Variants in UGP2 observed in about 807,000 individuals in gnomAD.
UGP2 encodes the protein UTP--glucose-1-phosphate uridylyltransferase.
In UGP2, 40 loss-of-function variants were observed where a neutral mutation model predicts 49.0. That is an observed-to-expected ratio of 0.82 (90% CI 0.63 to 1.06). The LOEUF is 1.06. Ranked by LOEUF, UGP2 falls within the 50% of genes least tolerant of loss-of-function variation. The pLI, the probability that UGP2 is intolerant of heterozygous loss-of-function variation, is 0.00. For missense variants in UGP2, 460 were observed against 603.5 expected (o/e 0.76, Z 2.49); for synonymous variants, 225 against 213.0 (o/e 1.06, Z -0.49).
chr2:63,842,468 G>A, intron 1 of UGP2: 1 of 1,540,258 alleles, frequency 6.5e-7, no homozygotes, highest in Non-Finnish European at 8.7e-7. Context: ...CCTGGATAGT[G>A]GCTGTAAGTG....
intron 6 of UGP2, 48 bp downstream of exon 6, chr2:63,885,934 G>T (rs377389784): frequency 2.0e-6 from 3 of 1,493,544 alleles, no homozygotes; most frequent in East Asian, 2.4e-5. Flanking sequence ...TTCACATTTC[G>T]TAAGTTATGA....
chr2:63,867,764 T>C (rs1346698037), intron 3 of UGP2, among the ~76,000 whole-genome samples: 3 of 152,226 alleles, frequency 2.0e-5, no homozygotes, highest in Admixed American at 2.0e-4. Context: ...TAGCAAGATA[T>C]CCTATCAAGT....
rs567066221 is a variant in UGP2 at position 63,860,982 on chromosome 2, T to G, written c.255+3046T>G. 2.0e-5 allele frequency among the ~76,000 whole-genome samples: 3 copies of G among 152,206 alleles called. No homozygotes were observed. The East Asian group carries it at 5.8e-4, about 29-fold the overall frequency. ...TTACCTTTTGTGTTGAATGCTTTGT[T>G]TTAGCTCTCAGTGAGTACATAGATG... On this transcript the variant is annotated intron_variant, in intron 3 of 9. Transcript: ENST00000337130.
chr2:63,847,116 GA>G (rs58273067), intron 1 of UGP2, among the ~76,000 whole-genome samples: 1 of 151,646 alleles, frequency 6.6e-6, no homozygotes, highest in African/African-American at 2.4e-5. Context: ...GTCTACTGAG[GA>G]AAAAAAATTG....
At chr2:63,858,625 T>A (rs1669615766) in intron 3 of UGP2, among the ~76,000 whole-genome samples, 1 of 152,180 alleles carries the variant, frequency 6.6e-6, no homozygotes, top group Admixed American at 6.5e-5. Context: ...CTGTAATGCT[T>A]AACAGTTACA....
At chr2:63,883,467 T>G (rs1671446672) in intron 4 of UGP2, 1 of 152,634 alleles carries the variant, frequency 6.6e-6, no homozygotes, top group South Asian at 2.1e-4. Context: ...AGATTTCAGC[T>G]GGGGTGTGAT....
intron 3 of UGP2, among the ~76,000 whole-genome samples, chr2:63,865,337 G>A (rs910598076): frequency 6.6e-6 from 1 of 152,138 alleles, no homozygotes; most frequent in African/African-American, 2.4e-5. Flanking sequence ...AGGGCTGAAG[G>A]AATCAATAAC....
At chr2:63,871,030 T>A (rs1464136029) in intron 3 of UGP2, among the ~76,000 whole-genome samples, 2 of 152,270 alleles carry the variant, frequency 1.3e-5, no homozygotes, top group Non-Finnish European at 2.9e-5. Context: ...TTTTTTAAAT[T>A]AAATTTTAAA....
chr2:63,842,494 T>G, intron 1 of UGP2: 1 of 1,536,800 alleles, frequency 6.5e-7, no homozygotes, highest in East Asian at 2.4e-5. Context: ...ACAGGATTTT[T>G]GGCTGCTAAT....
chr2:63,858,667 CT>C (rs1300070212), intron 3 of UGP2, among the ~76,000 whole-genome samples: 1 of 151,794 alleles, frequency 6.6e-6, no homozygotes, highest in East Asian at 1.9e-4. Flanking sequence ...CTATTTTGGT[CT>C]TTAATTTCCT....
chr2:63,841,203 C>A (rs1671510367), upstream of UGP2: 1 of 152,138 alleles, frequency 6.6e-6, no homozygotes, highest in Non-Finnish European at 1.5e-5. Context: ...TAAACGCCCC[C>A]AATTTCCCAG....
chr2:63,845,313 G>GATGA (rs1357031133), intron 1 of UGP2, among the ~76,000 whole-genome samples: 16 of 152,160 alleles, frequency 1.1e-4, no homozygotes, highest in Non-Finnish European at 1.5e-5. Flanking sequence ...GCTGAAATGA[G>GATGA]ATGAACTATG....
chr2:63,885,898 G>C lies in UGP2; in HGVS notation c.873+12G>C. ...GTGCAGATGTAAAGGTAAATACCGA[G>C]AGGAAGCAGTTTAGGGCTTCATGTT... is the stretch of plus-strand genomic sequence containing the variant. On this transcript the variant is annotated intron_variant, in intron 6 of 9. Coordinates refer to ENST00000337130, the MANE Select transcript of UGP2 (RefSeq NM_006759.4). 1 of 1,545,160 alleles carries C rather than the reference G, an allele frequency of 6.5e-7. No homozygotes were observed.
intron 1 of UGP2, among the ~76,000 whole-genome samples, chr2:63,847,110 A>G (rs1671985987): frequency 6.6e-6 from 1 of 152,210 alleles, no homozygotes; most frequent in Non-Finnish European, 1.5e-5. Context: ...GTGAAAGTCT[A>G]CTGAGGAAAA....
chr2:63,871,382 T>A (rs1670538445), intron 3 of UGP2, among the ~76,000 whole-genome samples: 2 of 152,102 alleles, frequency 1.3e-5, no homozygotes, highest in South Asian at 4.1e-4. Flanking sequence ...GCCTCCCAGG[T>A]TCAAGCAATT....
At chr2:63,859,051 A>G (rs1669650763) in intron 3 of UGP2, among the ~76,000 whole-genome samples, 1 of 151,114 alleles carries the variant, frequency 6.6e-6, no homozygotes, top group Non-Finnish European at 1.5e-5. Flanking sequence ...CTGGAGTACA[A>G]TGGCATGATC....
At chr2:63,885,441 C>G (rs1194182372) in intron 5 of UGP2, 148 bp from the exon 6 acceptor site, 1 of 668,496 alleles carries the variant, frequency 1.5e-6, no homozygotes, top group East Asian at 3.3e-5. Flanking sequence ...GAGAGATTTT[C>G]TTAAATGGAT....
In UGP2 at chr2:63,887,541, T is replaced by C; in HGVS notation, c.1211T>C (p.Val404Ala). The C allele has an allele frequency of 1.2e-6, 2 of 1,614,142 alleles. No homozygotes were observed. Among genetic ancestry groups the C allele is most frequent in the Non-Finnish European group, 1.7e-6 (2 of 1,180,014 alleles). ...PVKTTSDLLL[V>A]MSNLYSLNAG... ...AAAACCACATCAGATCTCTTGCTGGTGATGTCAAACCTCTATAGTCTTAAT... is the reference window on the plus strand; with the variant it reads ...AAAACCACATCAGATCTCTTGCTGGCGATGTCAAACCTCTATAGTCTTAAT... The change falls in exon 8 of 10, where the codon GTG becomes GCG. Residue 404 changes from valine to alanine, a missense_variant. Coordinates refer to ENST00000337130, the MANE Select transcript of UGP2 (RefSeq NM_006759.4).
intron 1 of UGP2, among the ~76,000 whole-genome samples, chr2:63,844,999 AT>A (rs559197895): frequency 1.2e-3 from 176 of 152,320 alleles, no homozygotes; most frequent in African/African-American, 4.0e-3. Flanking sequence ...ATAATATTAT[AT>A]CCTTGGGAGA....
Sources: gnomAD v4.1 joint callset for allele counts (sites outside exome capture counted in the v4.1 genomes callset) on GRCh38, gnomAD v4.1.1 for gene constraint, MANE v1.5 for transcripts, NCBI Gene and HGNC (gene_info 2026-07-23, HGNC 2026-07-21) for gene names.